Variants in CSMD3 observed in about 807,000 individuals in gnomAD.
CSMD3 encodes the protein CUB and sushi domain-containing protein 3.
In CSMD3, 177 loss-of-function variants were observed where a neutral mutation model predicts 435.2. That is an observed-to-expected ratio of 0.41 (90% CI 0.36 to 0.46). The LOEUF (loss-of-function observed/expected upper bound fraction) is 0.46, where lower values mean the gene tolerates loss of function less well. Ranked by LOEUF, CSMD3 falls within the 20% of genes least tolerant of loss-of-function variation. The pLI, the probability that CSMD3 is intolerant of heterozygous loss-of-function variation, is 0.34. For missense variants in CSMD3, 4,265 were observed against 4,504.6 expected, an observed-to-expected ratio of 0.95 and a Z score of 1.52; for synonymous variants, 1,656 against 1,520.5, an observed-to-expected ratio of 1.09 and a Z score of -2.07.
intron 27 of CSMD3, among the ~76,000 whole-genome samples, chr8:112,535,382 C>A (rs1825970331): frequency 6.6e-6 from 1 of 152,054 alleles, no homozygotes; most frequent in Non-Finnish European, 1.5e-5. Flanking sequence ...CAATAACAGA[C>A]AAACAGAGAG....
intron 66 of CSMD3, among the ~76,000 whole-genome samples, chr8:112,237,559 G>A (rs572009723): frequency 2.0e-5 from 3 of 151,944 alleles, no homozygotes; most frequent in African/African-American, 7.2e-5. Flanking sequence ...ATATGTTATC[G>A]AGAAGAGAGA....
rs116066811 is a variant in CSMD3 at position 113,390,733 on chromosome 8, C to A, written c.178+45944G>T. 7.2e-3 allele frequency among the ~76,000 whole-genome samples: 1,089 copies of A among 152,018 alleles called. 10 individuals are homozygous for A. The highest frequency in any genetic ancestry group is 0.025 in the African/African-American group (1,044 of 41,526). On this transcript the variant is annotated intron_variant, in intron 1 of 70. Transcript: ENST00000297405. Reference sequence around the variant, plus strand: ...CTGACAATTCTTCAAGAATAAGTGACTAAATGAAGGAATGAATGATGTGTT... The same window carrying A: ...CTGACAATTCTTCAAGAATAAGTGAATAAATGAAGGAATGAATGATGTGTT...
chr8:113,185,026 G>T (rs539394993), intron 3 of CSMD3, among the ~76,000 whole-genome samples: 2 of 152,108 alleles, frequency 1.3e-5, no homozygotes, highest in East Asian at 3.9e-4. Flanking sequence ...CTAGTGGGTA[G>T]CACGTGCTTC....
At chr8:112,865,817 C>T (rs1235364026) in intron 10 of CSMD3, among the ~76,000 whole-genome samples, 1 of 151,884 alleles carries the variant, frequency 6.6e-6, no homozygotes, top group Non-Finnish European at 1.5e-5. Context: ...ATCTCCAGCA[C>T]ATAAAATTGT....
At chr8:112,835,115 A>G (rs1044331649) in intron 11 of CSMD3, among the ~76,000 whole-genome samples, 4 of 151,858 alleles carry the variant, frequency 2.6e-5, no homozygotes, top group African/African-American at 9.7e-5. Context: ...AAATAACATA[A>G]TGCTTTTTAA....
intron 19 of CSMD3, among the ~76,000 whole-genome samples, chr8:112,645,802 ATTTCT>A (rs1345925320): frequency 1.3e-5 from 2 of 152,192 alleles, no homozygotes; most frequent in Admixed American, 1.3e-4. Context: ...TTTGATATTC[ATTTCT>A]TTGAGAACAA....
At chr8:112,953,397 A>T (rs995216517) in intron 8 of CSMD3, among the ~76,000 whole-genome samples, 1 of 151,334 alleles carries the variant, frequency 6.6e-6, no homozygotes. Context: ...AGCATTGCTT[A>T]TTTTCCTTAA....
At chr8:112,463,425 G>C (rs1331227809) in intron 32 of CSMD3, among the ~76,000 whole-genome samples, 1 of 152,148 alleles carries the variant, frequency 6.6e-6, no homozygotes, top group African/African-American at 2.4e-5. Context: ...AATGCAATGA[G>C]GAAGATGTCT....
At chr8:112,382,729 C>T (rs760240600) in intron 37 of CSMD3, among the ~76,000 whole-genome samples, 1 of 152,186 alleles carries the variant, frequency 6.6e-6, no homozygotes, top group African/African-American at 2.4e-5. Context: ...GTGGTTCACA[C>T]CTGTAATCTC....
Position 113,355,743 on chromosome 8 carries a change from T to TAC in CSMD3, c.179-40951_179-40950insGT, listed in dbSNP as rs1188860861. Among the ~76,000 whole-genome samples, 278 of 104,782 alleles carry TAC rather than the reference T, an allele frequency of 2.7e-3. 3 individuals are homozygous for TAC. Among genetic ancestry groups the TAC allele is most frequent in the Admixed American group, 4.7e-3 (48 of 10,216 alleles). The allele number at this position is 104,782 out of a possible 152,430, so 68.7% of individuals were successfully genotyped here. A position where few individuals can be genotyped will look rare whatever the true frequency, so the allele number is the denominator to read the frequency against. Reference sequence around the variant, plus strand: ...ATTTTTATATATATATATATATATATATATATACACACACACACACACACG... The same window carrying TAC: ...ATTTTTATATATATATATATATATATACATATATACACACACACACACACACG... On this transcript the variant is annotated intron_variant, in intron 1 of 70. Coordinates refer to ENST00000297405, the MANE Select transcript of CSMD3 (RefSeq NM_198123.2).
intron 10 of CSMD3, among the ~76,000 whole-genome samples, chr8:112,895,215 T>C (rs2081916510): frequency 1.3e-5 from 2 of 151,424 alleles, no homozygotes; most frequent in African/African-American, 4.8e-5. Flanking sequence ...AAATGGTATA[T>C]AAGCTATATA....
chr8:112,691,018 G>A (rs956474897), intron 13 of CSMD3, among the ~76,000 whole-genome samples: 2 of 151,972 alleles, frequency 1.3e-5, no homozygotes, highest in African/African-American at 4.8e-5. Flanking sequence ...CTTTTTTCAA[G>A]ATGTATAATT....
In CSMD3 at chr8:113,436,930, A is replaced by AG; in HGVS notation, c.-77dup. 1 of 1,512,880 alleles carries AG rather than the reference A, an allele frequency of 6.6e-7. No individual in the cohort carries two copies. The highest frequency in any genetic ancestry group is 2.3e-5 in the East Asian group (1 of 44,414). The allele number at this position is 1,512,880 out of a possible 1,614,324, so 93.7% of individuals were successfully genotyped here. ...GTTGCTGTTGTTGGTGCGCGGTCAC[A>AG]GCTCGGAGTGAATGGTGTTTCTGGG... On this transcript the variant is annotated 5_prime_UTR_variant, in exon 1 of 71. Transcript: ENST00000297405.
chr8:113,333,040 T>C (rs1217899137), intron 1 of CSMD3, among the ~76,000 whole-genome samples: 2 of 151,690 alleles, frequency 1.3e-5, no homozygotes, highest in East Asian at 3.8e-4. Flanking sequence ...TATTGTTTTC[T>C]TCTTTTTAAA....
chr8:113,037,538 C>T (rs945672308), intron 5 of CSMD3, among the ~76,000 whole-genome samples: 3 of 151,988 alleles, frequency 2.0e-5, no homozygotes, highest in Admixed American at 2.0e-4. Flanking sequence ...GTCTATTTTA[C>T]AAGCAAGATA....
intron 13 of CSMD3, among the ~76,000 whole-genome samples, chr8:112,729,136 AT>A (rs1162148908): frequency 6.6e-6 from 1 of 152,058 alleles, no homozygotes; most frequent in Non-Finnish European, 1.5e-5. Flanking sequence ...GCAAAACTGT[AT>A]CTCCAGATGA....
intron 27 of CSMD3, among the ~76,000 whole-genome samples, chr8:112,543,581 T>A (rs1002792143): frequency 2.6e-5 from 4 of 151,670 alleles, no homozygotes. Context: ...TAAAAAAAGG[T>A]GTTGGCAAGA....
chr8:112,739,788 T>A (rs921449056), intron 13 of CSMD3, among the ~76,000 whole-genome samples: 10 of 151,982 alleles, frequency 6.6e-5, no homozygotes, highest in Non-Finnish European at 1.2e-4. Context: ...GTGTTTTTTC[T>A]TACATAATAT....
intron 20 of CSMD3, among the ~76,000 whole-genome samples, chr8:112,644,458 T>G (rs2074922436): frequency 6.6e-6 from 1 of 152,034 alleles, no homozygotes; most frequent in Admixed American, 6.6e-5. Flanking sequence ...TGAAGTAGGT[T>G]GTAAAAGTTT....
Sources: allele counts gnomAD v4.1 joint callset (sites outside exome capture counted in the v4.1 genomes callset), GRCh38; gene constraint gnomAD v4.1.1; transcripts MANE v1.5; gene names NCBI Gene and HGNC (gene_info 2026-07-23, HGNC 2026-07-21).